MKLN1: variants seen among roughly 807,000 people sequenced by gnomAD.
MKLN1 encodes muskelin.
In MKLN1, 18 loss-of-function variants were observed where a neutral mutation model predicts 99.0. The observed-to-expected ratio is 0.18, with a 90% CI of 0.13 to 0.27. The LOEUF (loss-of-function observed/expected upper bound fraction) is 0.27. Ranked by LOEUF, MKLN1 falls within the 10% of genes least tolerant of loss-of-function variation. The probability of loss-of-function intolerance (pLI) is 1.00; values close to 1 mark genes in which losing one functional copy is unlikely to be tolerated. For synonymous variants in MKLN1, 288 were observed against 293.2 expected, an observed-to-expected ratio of 0.98 and a Z score of 0.18; for missense variants, 621 against 875.9, an observed-to-expected ratio of 0.71 and a Z score of 3.67.
In MKLN1 at chr7:131,260,386, A is replaced by C. The variant is rs577973549; in HGVS notation, c.-179+57412A>C. On this transcript the variant is annotated intron_variant, in intron 3 of 7. Coordinates refer to the MKLN1 transcript ENST00000416992. The stretch of plus-strand genomic sequence containing the variant: ...GAATGCAATCCCATTCACAATAGCC[A>C]CAAAAAGAATAAAATACCTAGGAAT... Among the ~76,000 whole-genome samples, 191 of 152,296 alleles carry C rather than the reference A, an allele frequency of 1.3e-3. 2 individuals are homozygous for C. The highest frequency in any genetic ancestry group is 3.9e-3 in the African/African-American group (163 of 41,566).
intron 15 of MKLN1, among the ~76,000 whole-genome samples, chr7:131,467,937 G>T (rs1033792523): frequency 6.6e-6 from 1 of 152,166 alleles, no homozygotes; most frequent in Non-Finnish European, 1.5e-5. Context: ...TGCAGGCGGA[G>T]ACCATCTGAA....
At chr7:131,297,647 T>C (rs1395120785) in intron 3 of MKLN1, among the ~76,000 whole-genome samples, 1 of 152,158 alleles carries the variant, frequency 6.6e-6, no homozygotes, top group African/African-American at 2.4e-5. Flanking sequence ...TGGAAAAAAA[T>C]GCACAGATTG....
At chr7:131,276,445 C>T (rs1797976340) in intron 3 of MKLN1, among the ~76,000 whole-genome samples, 1 of 152,136 alleles carries the variant, frequency 6.6e-6, no homozygotes, top group African/African-American at 2.4e-5. Flanking sequence ...CCAGAATTTC[C>T]AGGCATGGGA....
chr7:131,297,734 G>C (rs376663009), intron 3 of MKLN1, among the ~76,000 whole-genome samples: 2 of 152,290 alleles, frequency 1.3e-5, no homozygotes, highest in African/African-American at 2.4e-5. Flanking sequence ...TGTGTGCAGG[G>C]TAAATTGTTT....
chr7:131,157,424 A>C (rs935980745), intron 2 of MKLN1, among the ~76,000 whole-genome samples: 9 of 152,020 alleles, frequency 5.9e-5, no homozygotes, highest in African/African-American at 2.2e-4. Context: ...CTTAGAGCAA[A>C]AATTTTTAGA....
chr7:131,392,091 A>G (rs1473309411), intron 4 of MKLN1, among the ~76,000 whole-genome samples: 1 of 152,212 alleles, frequency 6.6e-6, no homozygotes, highest in African/African-American at 2.4e-5. Flanking sequence ...GAAAGTAAAC[A>G]TAAAATGGGT....
At chr7:131,190,311 G>A (rs1284013751) in intron 2 of MKLN1, among the ~76,000 whole-genome samples, 2 of 152,066 alleles carry the variant, frequency 1.3e-5, no homozygotes, top group Non-Finnish European at 2.9e-5. Context: ...CTTCCTTCCT[G>A]CAGAGGAAGT....
At chr7:131,313,792 T>A (rs911394122) in intron 3 of MKLN1, among the ~76,000 whole-genome samples, 3 of 152,232 alleles carry the variant, frequency 2.0e-5, no homozygotes, top group African/African-American at 7.2e-5. Flanking sequence ...CAGAGCCCAT[T>A]AAGGAGCAGG....
chr7:131,291,472 A>G (rs1169342520), intron 3 of MKLN1, among the ~76,000 whole-genome samples: 2 of 151,856 alleles, frequency 1.3e-5, no homozygotes, highest in Admixed American at 6.6e-5. Flanking sequence ...CTCATTTGTG[A>G]TATGTAGTAA....
chr7:131,300,711 GA>G (rs1253278649), intron 3 of MKLN1, among the ~76,000 whole-genome samples: 1 of 53,492 alleles, frequency 1.9e-5, no homozygotes, highest in Admixed American at 3.0e-4. Context: ...CAACCAAAAA[GA>G]AAAAAAAAGA....
intron 3 of MKLN1, among the ~76,000 whole-genome samples, chr7:131,245,112 C>T (rs1024336480): frequency 2.0e-5 from 3 of 152,068 alleles, no homozygotes; most frequent in African/African-American, 7.2e-5. Context: ...TCTAAATTCA[C>T]GGTCAAAAAT....
intron 3 of MKLN1, among the ~76,000 whole-genome samples, chr7:131,266,343 T>G (rs899572164): frequency 4.6e-5 from 7 of 152,188 alleles, no homozygotes; most frequent in African/African-American, 1.4e-4. Flanking sequence ...ACCAATGTAC[T>G]CATTTGTAAA....
At chr7:131,211,844 G>A (rs1054393287) in intron 3 of MKLN1, among the ~76,000 whole-genome samples, 1 of 152,070 alleles carries the variant, frequency 6.6e-6, no homozygotes, top group South Asian at 2.1e-4. Context: ...AGTGGCTTAG[G>A]TCAAAATATT....
At chr7:131,204,724 G>A (rs1317714666) in intron 3 of MKLN1, among the ~76,000 whole-genome samples, 1 of 152,102 alleles carries the variant, frequency 6.6e-6, no homozygotes, top group Non-Finnish European at 1.5e-5. Flanking sequence ...CCAGCACTTT[G>A]GGAGGCCAAG....
chr7:131,391,920 G>A (rs1166535412), intron 4 of MKLN1, among the ~76,000 whole-genome samples: 1 of 152,196 alleles, frequency 6.6e-6, no homozygotes, highest in Non-Finnish European at 1.5e-5. Context: ...GGGACTTAGT[G>A]TAGAAGGACA....
At chr7:131,376,640 CAAAA>C (rs540925056) in intron 2 of MKLN1, among the ~76,000 whole-genome samples, 2 of 65,206 alleles carry the variant, frequency 3.1e-5, no homozygotes. Flanking sequence ...GACTCTGTCT[CAAAA>C]AAAAAAAAAA....
intron 3 of MKLN1, among the ~76,000 whole-genome samples, chr7:131,253,762 G>A (rs1020843523): frequency 6.6e-6 from 1 of 152,210 alleles, no homozygotes; most frequent in Non-Finnish European, 1.5e-5. Context: ...ATTTAGAACA[G>A]AGCATGAAGA....
intron 1 of MKLN1, among the ~76,000 whole-genome samples, chr7:131,366,679 G>T (rs920933586): frequency 4.6e-5 from 7 of 152,124 alleles, no homozygotes; most frequent in African/African-American, 1.7e-4. Flanking sequence ...GGGCATGGTG[G>T]CAGGCACCTG....
At chr7:131,354,230 T>C (rs1324290220) in intron 1 of MKLN1, among the ~76,000 whole-genome samples, 1 of 152,142 alleles carries the variant, frequency 6.6e-6, no homozygotes, top group Non-Finnish European at 1.5e-5. Context: ...TTGCCATCAT[T>C]GCTATGTCGA....
Sources: allele counts gnomAD v4.1 joint callset (sites outside exome capture counted in the v4.1 genomes callset), GRCh38; gene constraint gnomAD v4.1.1; transcripts MANE v1.5; gene names NCBI Gene and HGNC (gene_info 2026-07-23, HGNC 2026-07-21).